The following SPIRE1 variants were observed in gnomAD, a reference collection of about 807,000 sequenced individuals.
SPIRE1 encodes spire type actin nucleation factor 1, also known as protein spire homolog 1.
Under a neutral mutation model 94.1 loss-of-function variants are expected in SPIRE1, and 40 were observed. That is an observed-to-expected ratio of 0.43 (90% CI 0.33 to 0.55). The LOEUF (loss-of-function observed/expected upper bound fraction) is 0.55. Among genes scored for constraint, SPIRE1 ranks in the 20% least tolerant of loss-of-function variants. SPIRE1 has a pLI of 0.06. For missense variants in SPIRE1, 838 were observed against 975.2 expected (o/e 0.86, Z 1.87); for synonymous variants, 376 against 371.7 (o/e 1.01, Z -0.13).
intron 2 of SPIRE1, among the ~76,000 whole-genome samples, chr18:12,594,750 T>C (rs1293034122): frequency 6.6e-6 from 1 of 152,200 alleles, no homozygotes; most frequent in Admixed American, 6.5e-5. Flanking sequence ...ACACGTATTT[T>C]GTTTTCAATA....
chr18:12,580,478 C>T (rs2036226533), intron 2 of SPIRE1, among the ~76,000 whole-genome samples: 1 of 152,048 alleles, frequency 6.6e-6, no homozygotes, highest in African/African-American at 2.4e-5. Flanking sequence ...TGTGCACCAC[C>T]ATGCCCGGCT....
rs544495328 is a variant in SPIRE1, at chr18:12,516,489, G to C, written c.730-3958C>G. Among the ~76,000 whole-genome samples, 5 of 152,326 alleles carry C rather than the reference G, an allele frequency of 3.3e-5. No homozygotes were observed. In the South Asian group the frequency reaches 8.3e-4, roughly 25 times the overall value. ...GTTGGAGAGGAAAGGGAGGGAGCAT[G>C]CCAGCCCTAATTACAGCCTTTGAGA... is the stretch of plus-strand genomic sequence containing the variant. On this transcript the variant is annotated intron_variant, in intron 4 of 16. Transcript: ENST00000409402.
At chr18:12,488,409 C>T (rs1036879275) in intron 8 of SPIRE1, among the ~76,000 whole-genome samples, 3 of 152,152 alleles carry the variant, frequency 2.0e-5, no homozygotes. Context: ...GACGGACACA[C>T]TGCAGAGCAG....
chr18:12,503,859 G>C (rs1354508698), intron 6 of SPIRE1, among the ~76,000 whole-genome samples: 1 of 147,702 alleles, frequency 6.8e-6, no homozygotes, highest in East Asian at 1.9e-4. Context: ...TTTTCTTTCA[G>C]TTAAAATGGT....
At chr18:12,499,137 A>C (rs1235818222) in intron 6 of SPIRE1, among the ~76,000 whole-genome samples, 2 of 152,184 alleles carry the variant, frequency 1.3e-5, no homozygotes, top group Non-Finnish European at 2.9e-5. Context: ...CTACAAAACC[A>C]AGTTATAGTT....
rs67894900 is a variant in SPIRE1, at chr18:12,501,072, C to CAAAAAAAAAAAAAAAAA, written c.973-4987_973-4971dup. Among the ~76,000 whole-genome samples, 100 of 80,246 alleles carry CAAAAAAAAAAAAAAAAA rather than the reference C, an allele frequency of 1.2e-3. 2 individuals carry two copies. The highest frequency in any genetic ancestry group is 2.2e-3 in the African/African-American group (45 of 20,458). The allele number at this position is 80,246 out of a possible 152,430, so 52.6% of individuals were successfully genotyped here. A position where few individuals can be genotyped will look rare whatever the true frequency, so the allele number is the denominator to read the frequency against. On this transcript the variant is annotated intron_variant, in intron 6 of 16. Coordinates refer to ENST00000409402, the MANE Select transcript of SPIRE1 (RefSeq NM_001128626.2). ...GGGCAACAACAGTGAAACTCTGTCT[C>CAAAAAAAAAAAAAAAAA]AAAAAAAAAAAAAAAAAAAAAAAGA... is the stretch of plus-strand genomic sequence containing the variant.
chr18:12,464,242 G>A (rs2031995896), intron 11 of SPIRE1, among the ~76,000 whole-genome samples: 1 of 132,316 alleles, frequency 7.6e-6, no homozygotes, highest in South Asian at 2.7e-4. Context: ...ATTCAATTGG[G>A]TCCCTATAAT....
chr18:12,612,377 T>A (rs1429668118), intron 2 of SPIRE1, among the ~76,000 whole-genome samples: 1 of 152,180 alleles, frequency 6.6e-6, no homozygotes, highest in Non-Finnish European at 1.5e-5. Context: ...TGCTGGCTCC[T>A]CCTGTCTCGC....
At chr18:12,597,022 C>T (rs112292045) in intron 2 of SPIRE1, among the ~76,000 whole-genome samples, 2,224 of 152,020 alleles carry the variant, frequency 0.015, 64 homozygotes, top group African/African-American at 0.051. Flanking sequence ...AACTTTTATT[C>T]TAGCCAATCA....
At chr18:12,451,734 C>T (rs373684087) in intron 16 of SPIRE1, among the ~76,000 whole-genome samples, 14 of 152,338 alleles carry the variant, frequency 9.2e-5, no homozygotes, top group African/African-American at 2.9e-4. Context: ...TCTTAAGGCC[C>T]AACACTAAAC....
At chr18:12,598,655 G>T (rs2036746392) in intron 2 of SPIRE1, among the ~76,000 whole-genome samples, 1 of 152,138 alleles carries the variant, frequency 6.6e-6, no homozygotes, top group South Asian at 2.1e-4. Flanking sequence ...GAAAAGGCAA[G>T]GATATCGACT....
At chr18:12,519,479 A>T (rs1326026744) in intron 4 of SPIRE1, among the ~76,000 whole-genome samples, 1 of 152,218 alleles carries the variant, frequency 6.6e-6, no homozygotes, top group Non-Finnish European at 1.5e-5. Context: ...ATTATCTGCT[A>T]ATACACATTC....
At position 12,546,031 on chromosome 18, in the gene SPIRE1, C is replaced by T. The variant is rs569299717; in HGVS notation, c.603+643G>A. ...TTGAGACGGAGTCTCGCTCTGTCAC[C>T]CAGGCTGAAGTGCAGTGGCGTGATC... On this transcript the variant is annotated intron_variant, in intron 3 of 16. Coordinates refer to ENST00000409402, the MANE Select transcript of SPIRE1 (RefSeq NM_001128626.2). Among the ~76,000 whole-genome samples, 4 of 152,176 alleles carry T rather than the reference C, an allele frequency of 2.6e-5. No individual in the cohort carries two copies. The East Asian group carries it at 7.8e-4, about 30-fold the overall frequency.
chr18:12,484,110 A>C (rs556158444), intron 9 of SPIRE1, among the ~76,000 whole-genome samples: 237 of 152,312 alleles, frequency 1.6e-3, no homozygotes, highest in African/African-American at 5.3e-3. Flanking sequence ...TGAGGTGTGT[A>C]AGCATGCATA....
intron 2 of SPIRE1, among the ~76,000 whole-genome samples, chr18:12,551,565 C>T (rs998319094): frequency 4.6e-5 from 7 of 151,878 alleles, no homozygotes; most frequent in African/African-American, 9.7e-5. Context: ...ATTAGCCGGG[C>T]GTGGTGACAG....
chr18:12,607,740 T>C (rs1388971227), intron 2 of SPIRE1, among the ~76,000 whole-genome samples: 1 of 149,684 alleles, frequency 6.7e-6, no homozygotes, highest in Admixed American at 6.6e-5. Context: ...CTGGGAATGT[T>C]TGTAACACAC....
At chr18:12,452,693 C>T in intron 14 of SPIRE1, 181 bp from the exon 15 acceptor site, 1 of 665,394 alleles carries the variant, frequency 1.5e-6, no homozygotes. Context: ...CAGAACTTAA[C>T]TCTTACACTG....
At chr18:12,629,748 T>C (rs1377634722) in intron 2 of SPIRE1, among the ~76,000 whole-genome samples, 1 of 152,126 alleles carries the variant, frequency 6.6e-6, no homozygotes, top group Non-Finnish European at 1.5e-5. Flanking sequence ...AAGGTAAATT[T>C]TACTGTATGT....
intron 2 of SPIRE1, among the ~76,000 whole-genome samples, chr18:12,550,251 A>G (rs952202909): frequency 8.5e-5 from 13 of 152,210 alleles, no homozygotes; most frequent in African/African-American, 2.9e-4. Context: ...GATGGTAGCA[A>G]TGATGCCCTC....
Sources: gnomAD v4.1 joint callset for allele counts (sites outside exome capture counted in the v4.1 genomes callset) on GRCh38, gnomAD v4.1.1 for gene constraint, MANE v1.5 for transcripts, NCBI Gene and HGNC (gene_info 2026-07-23, HGNC 2026-07-21) for gene names.